Variants in SNX29 observed in about 807,000 individuals in gnomAD.
SNX29 encodes the protein sorting nexin 29.
Under a neutral mutation model 102.1 loss-of-function variants are expected in SNX29, and 78 were observed. The observed-to-expected ratio is 0.76, with a 90% CI of 0.64 to 0.92. SNX29 has a LOEUF of 0.92. SNX29 is among the 40% of genes least tolerant of loss of function. The pLI, the probability that SNX29 is intolerant of heterozygous loss-of-function variation, is 0.00. For missense variants in SNX29, 1,280 were observed against 1,061.7 expected (o/e 1.21, Z -2.86); for synonymous variants, 580 against 414.5 (o/e 1.40, Z -4.85).
chr16:12,417,336 G>A (rs1015139952), intron 18 of SNX29, among the ~76,000 whole-genome samples: 1 of 152,208 alleles, frequency 6.6e-6, no homozygotes, highest in Non-Finnish European at 1.5e-5. Context: ...CATGGAAGCC[G>A]CCTCTGTCCA....
At chr16:12,538,967 G>T (rs533076325) in intron 20 of SNX29, among the ~76,000 whole-genome samples, 1 of 152,146 alleles carries the variant, frequency 6.6e-6, no homozygotes, top group Non-Finnish European at 1.5e-5. Flanking sequence ...TAAGGCAAGT[G>T]ATATAAATAG....
intron 14 of SNX29, among the ~76,000 whole-genome samples, chr16:12,209,182 G>GGTAAA (rs1205412257): frequency 6.6e-6 from 1 of 152,200 alleles, no homozygotes; most frequent in Non-Finnish European, 1.5e-5. Context: ...GTTGCAGGGG[G>GGTAAA]GTAAAGTATA....
At chr16:12,454,990 C>T (rs1430198801) in intron 18 of SNX29, among the ~76,000 whole-genome samples, 1 of 152,170 alleles carries the variant, frequency 6.6e-6, no homozygotes, top group Admixed American at 6.5e-5. Context: ...TCAAGTGATC[C>T]ACCCGCCTCG....
At chr16:12,136,038 A>T (rs1157396886) in intron 13 of SNX29, among the ~76,000 whole-genome samples, 1 of 152,176 alleles carries the variant, frequency 6.6e-6, no homozygotes, top group Non-Finnish European at 1.5e-5. Context: ...CGTGACTCAG[A>T]GTGCCGCTGC....
chr16:12,191,172 C>T (rs1158623477), intron 13 of SNX29, among the ~76,000 whole-genome samples: 3 of 152,144 alleles, frequency 2.0e-5, no homozygotes, highest in Non-Finnish European at 2.9e-5. Flanking sequence ...CAATAGGGTT[C>T]GTGCTCCTAT....
chr16:12,076,972 C>T (rs1012629523), intron 10 of SNX29, among the ~76,000 whole-genome samples: 1 of 152,062 alleles, frequency 6.6e-6, no homozygotes, highest in African/African-American at 2.4e-5. Context: ...TCTTTTTTTG[C>T]TATTTATTTT....
intron 19 of SNX29, among the ~76,000 whole-genome samples, chr16:12,509,379 C>T (rs113602965): frequency 5.9e-5 from 9 of 152,210 alleles, no homozygotes; most frequent in African/African-American, 1.7e-4. Flanking sequence ...TGGGGAGGCA[C>T]GGGGAGCGGA....
chr16:12,129,799 C>T (rs1290029696), intron 13 of SNX29, 41 bp downstream of exon 13: 3 of 1,557,112 alleles, frequency 1.9e-6, no homozygotes, highest in South Asian at 2.4e-5. Flanking sequence ...CACGTGGGGG[C>T]TTCATTAAAA....
At chr16:12,483,685 T>A (rs1050920165) in intron 19 of SNX29, among the ~76,000 whole-genome samples, 2 of 152,210 alleles carry the variant, frequency 1.3e-5, no homozygotes, top group African/African-American at 4.8e-5. Context: ...TCTTGGTGAC[T>A]TAAGCCAACA....
chr16:12,015,622 G>A lies in SNX29; in HGVS notation c.123-11698G>A, dbSNP rs577732298. Among the ~76,000 whole-genome samples, 92 of 147,400 alleles carry A rather than the reference G, an allele frequency of 6.2e-4. No individual in the cohort carries two copies. The Middle Eastern group carries it at 0.018, about 29-fold the overall frequency. Reference sequence around the variant, plus strand: ...GCGATCTTGGCTCAGTGCAAGCTCCGCCTCCCGGGTTCACACCATTCTCCT... The same window carrying A: ...GCGATCTTGGCTCAGTGCAAGCTCCACCTCCCGGGTTCACACCATTCTCCT... On this transcript the variant is annotated intron_variant, in intron 3 of 20. Transcript: ENST00000566228.
rs576748860 is a variant in SNX29 at position 12,368,876 on chromosome 16, T to C, written c.1899+12597T>C. On this transcript the variant is annotated intron_variant, in intron 16 of 20. Coordinates refer to ENST00000566228, the MANE Select transcript of SNX29 (RefSeq NM_032167.5). The stretch of plus-strand genomic sequence containing the variant: ...CTCATTTTAGTTACCACCCATTCCT[T>C]CTTGAAATGGCCTCTCTGTTCTTTG... Among the ~76,000 whole-genome samples, 74 of 152,316 alleles carry C rather than the reference T, an allele frequency of 4.9e-4. No homozygotes were observed. In the Middle Eastern group the frequency reaches 0.017, roughly 35 times the overall value.
At position 12,557,987 on chromosome 16, in the gene SNX29, C is replaced by T. The variant is rs149939037; in HGVS notation, c.2319-10519C>T. On this transcript the variant is annotated intron_variant, in intron 20 of 20. Transcript: ENST00000566228. ...GTGGGTCTTCTGCTTAAGATTTTAG[C>T]CACGGTTGGTTGGGCTGGGTGCTGC... 4.8e-3 allele frequency among the ~76,000 whole-genome samples: 735 copies of T among 152,218 alleles called. 8 individuals are homozygous for T. Among genetic ancestry groups the T allele is most frequent in the African/African-American group, 0.017 (710 of 41,520 alleles).
In SNX29 at chr16:12,407,952, C is replaced by CA. The variant is rs1315315145; in HGVS notation, c.2037+4423_2037+4424insA. On this transcript the variant is annotated intron_variant, in intron 18 of 20. Transcript: ENST00000566228. Reference sequence around the variant, plus strand: ...CTACGATTGCATCTGTGAATAGCCCCTGTATTTCAGCCTACGCAACACAGT... The same window carrying CA: ...CTACGATTGCATCTGTGAATAGCCCCATGTATTTCAGCCTACGCAACACAGT... Among the ~76,000 whole-genome samples, 3 of 152,230 alleles carry CA rather than the reference C, an allele frequency of 2.0e-5. No individual in the cohort carries two copies. In the East Asian group the frequency reaches 5.8e-4, roughly 29 times the overall value.
chr16:12,481,574 G>A (rs1048420519), intron 19 of SNX29, among the ~76,000 whole-genome samples: 19 of 147,718 alleles, frequency 1.3e-4, no homozygotes, highest in Admixed American at 2.0e-4. Flanking sequence ...TCACCCTGTC[G>A]CCCAGGGTGG....
rs187090145 is a variant in SNX29 at position 12,548,739 on chromosome 16, G to A, written c.2319-19767G>A. ...GGAGGGGTACATCCAGGGCTCCAAG[G>A]TGTTTTCTGTGCTGAGCTCATCTCT... On this transcript the variant is annotated intron_variant, in intron 20 of 20. Coordinates refer to ENST00000566228, the MANE Select transcript of SNX29 (RefSeq NM_032167.5). Among the ~76,000 whole-genome samples, 397 of 152,246 alleles carry A rather than the reference G, an allele frequency of 2.6e-3. 3 individuals are homozygous for A. The highest frequency in any genetic ancestry group is 9.0e-3 in the African/African-American group (375 of 41,538).
intron 20 of SNX29, among the ~76,000 whole-genome samples, chr16:12,547,725 A>G (rs763091658): frequency 3.9e-5 from 6 of 152,128 alleles, no homozygotes; most frequent in Non-Finnish European, 5.9e-5. Flanking sequence ...CATGGCACCC[A>G]TCACTGCCCC....
intron 14 of SNX29, among the ~76,000 whole-genome samples, chr16:12,275,902 T>TTTTTG (rs1491543943): frequency 3.8e-5 from 3 of 78,106 alleles, no homozygotes; most frequent in African/African-American, 1.5e-4. Context: ...TTTTTTTTTT[T>TTTTTG]GGGGGGCGTG....
chr16:12,289,754 TG>T (rs2079729812), intron 15 of SNX29, among the ~76,000 whole-genome samples: 1 of 152,210 alleles, frequency 6.6e-6, no homozygotes, highest in African/African-American at 2.4e-5. Context: ...CACACTATTT[TG>T]GGCCTGTTTT....
At chr16:12,179,574 G>C (rs1356094666) in intron 13 of SNX29, among the ~76,000 whole-genome samples, 1 of 152,232 alleles carries the variant, frequency 6.6e-6, no homozygotes, top group African/African-American at 2.4e-5. Context: ...CCTATGGCCA[G>C]TATATACTTT....
Sources: allele counts gnomAD v4.1 joint callset (sites outside exome capture counted in the v4.1 genomes callset), GRCh38; gene constraint gnomAD v4.1.1; transcripts MANE v1.5; gene names NCBI Gene and HGNC (gene_info 2026-07-23, HGNC 2026-07-21).